The following NSD2 variants were observed in gnomAD, a reference collection of about 807,000 sequenced individuals.
NSD2 encodes nuclear receptor binding SET domain protein 2.
Under a neutral mutation model 139.0 loss-of-function variants are expected in NSD2, and 12 were observed. The ratio of observed to expected loss-of-function variants is 0.09; its 90% confidence interval spans 0.06 to 0.14. The LOEUF is 0.14. Ranked by LOEUF, NSD2 falls within the 10% of genes least tolerant of loss-of-function variation. The pLI is 1.00. For missense variants in NSD2, 1,155 were observed against 1,745.0 expected, an observed-to-expected ratio of 0.66 and a Z score of 6.02; for synonymous variants, 669 against 648.7, an observed-to-expected ratio of 1.03 and a Z score of -0.48.
chr4:1,925,772 A>ATTTT (rs564472093), intron 5 of NSD2, among the ~76,000 whole-genome samples: 1 of 148,856 alleles, frequency 6.7e-6, no homozygotes, highest in Non-Finnish European at 1.5e-5. Flanking sequence ...CTATATATAT[A>ATTTT]TTTTTTTTTG....
chr4:1,925,773 T>TATA (rs772413927), intron 5 of NSD2, among the ~76,000 whole-genome samples: 2,566 of 140,614 alleles, frequency 0.018, 63 homozygotes, highest in African/African-American at 0.069. Context: ...TATATATATA[T>TATA]TTTTTTTTGT....
At chr4:1,969,230 A>AG (rs1394595403) in intron 18 of NSD2, among the ~76,000 whole-genome samples, 4 of 152,218 alleles carry the variant, frequency 2.6e-5, no homozygotes, top group African/African-American at 9.6e-5. Flanking sequence ...TCCAAAAGGA[A>AG]GGCAACATGC....
intron 1 of NSD2, among the ~76,000 whole-genome samples, chr4:1,896,747 TTTCTTTCTTTCC>T (rs1345209101): frequency 6.7e-6 from 1 of 148,300 alleles, no homozygotes; most frequent in African/African-American, 2.5e-5. Context: ...TCTCTTTCTC[TTTCTTTCTTTCC>T]TTCTTTCTTC....
At chr4:1,881,488 C>T (rs958368716) in intron 1 of NSD2, among the ~76,000 whole-genome samples, 3 of 152,208 alleles carry the variant, frequency 2.0e-5, no homozygotes, top group African/African-American at 7.2e-5. Context: ...TGGTCTCGAT[C>T]TCCTGACCTC....
At chr4:1,975,138 A>G (rs1726934500) in intron 19 of NSD2, 134 bp downstream of exon 19, 1 of 1,476,610 alleles carries the variant, frequency 6.8e-7, no homozygotes, top group Non-Finnish European at 9.2e-7. Context: ...TTTGGTTTGA[A>G]TATCTCTTTT....
intron 9 of NSD2, among the ~76,000 whole-genome samples, chr4:1,949,002 G>T (rs992077061): frequency 3.3e-5 from 5 of 152,210 alleles, no homozygotes; most frequent in Admixed American, 3.3e-4. Flanking sequence ...CCATCAGATG[G>T]GTCAGCTTGG....
Position 1,955,174 on chromosome 4 carries a change from G to T in NSD2, c.2352G>T (p.Arg784=), listed in dbSNP as rs531537433. The change falls in exon 13 of 22, where the codon CGG becomes CGT. Residue 784 remains arginine (R), a synonymous_variant. Coordinates refer to ENST00000508803, the MANE Select transcript of NSD2 (RefSeq NM_001042424.3). The surrounding 1 kb of genome is among the most constrained non-coding windows in gnomAD (Gnocchi z 4.7). ...NPRPSKGKMM[R]CVRCPVAYHS... ...CTTTGCCTTCAGGTAAAATGATGCG[G>T]TGTGTCCGCTGCCCCGTTGCCTATC... 223 of 1,610,466 alleles carry T rather than the reference G, an allele frequency of 1.4e-4. 2 individuals are homozygous for T. The South Asian group carries it at 2.3e-3, about 17-fold the overall frequency.
At chr4:1,910,295 G>A (rs979296589) in intron 3 of NSD2, among the ~76,000 whole-genome samples, 8 of 151,568 alleles carry the variant, frequency 5.3e-5, no homozygotes, top group Middle Eastern at 3.4e-3. Flanking sequence ...TCACAATCTC[G>A]GCTCACTGCA....
At chr4:1,907,530 A>C (rs1426390807) in intron 3 of NSD2, among the ~76,000 whole-genome samples, 1 of 151,778 alleles carries the variant, frequency 6.6e-6, no homozygotes, top group Non-Finnish European at 1.5e-5. Context: ...AAAAACTTTC[A>C]AGTCAAAGTA....
chr4:1,940,722 G>T, intron 9 of NSD2: 1 of 1,060,890 alleles, frequency 9.4e-7, no homozygotes, highest in Non-Finnish European at 1.1e-6. Context: ...CCTTACTCTT[G>T]CTGAGTCAGA....
intron 9 of NSD2, chr4:1,944,327 A>G: frequency 9.4e-7 from 1 of 1,066,250 alleles, no homozygotes; most frequent in Middle Eastern, 4.2e-4. Context: ...TGGCTTGCCA[A>G]GAGTACAGAA....
intron 7 of NSD2, among the ~76,000 whole-genome samples, chr4:1,937,128 T>C (rs1003606639): frequency 2.0e-5 from 3 of 152,122 alleles, no homozygotes; most frequent in Non-Finnish European, 2.9e-5. Context: ...CTTCACTCAC[T>C]GCAACCTCCG....
intron 18 of NSD2, 33 bp downstream of exon 18, chr4:1,961,184 T>C (rs1388281724): frequency 2.6e-6 from 4 of 1,556,384 alleles, no homozygotes; most frequent in African/African-American, 2.7e-5. Context: ...GCTTCTGCAG[T>C]GTGCTGGACC....
At chr4:1,892,152 T>TATTTTA (rs1396396582) in intron 1 of NSD2, 1 of 152,204 alleles carries the variant, frequency 6.6e-6, no homozygotes, top group Admixed American at 6.5e-5. Context: ...TCTTTATTTT[T>TATTTTA]ATTTTAATTT....
At chr4:1,927,765 G>C (rs533321018) in intron 5 of NSD2, among the ~76,000 whole-genome samples, 1 of 147,840 alleles carries the variant, frequency 6.8e-6, no homozygotes, top group Admixed American at 6.8e-5. Context: ...GTAGGGAGCA[G>C]GCAGGATGAA....
At chr4:1,919,934 C>CA (rs951983439) in intron 5 of NSD2, among the ~76,000 whole-genome samples, 53 of 147,556 alleles carry the variant, frequency 3.6e-4, no homozygotes, top group East Asian at 6.0e-4. Context: ...GACGCCGTCT[C>CA]AAAAAAAAAG....
intron 2 of NSD2, among the ~76,000 whole-genome samples, chr4:1,902,552 A>G (rs536338199): frequency 3.9e-4 from 60 of 152,152 alleles, no homozygotes; most frequent in South Asian, 2.1e-3. Context: ...TGCCCACAGC[A>G]GTATTGAACC....
chr4:1,876,109 G>C (rs1714236919), intron 1 of NSD2, among the ~76,000 whole-genome samples: 1 of 151,630 alleles, frequency 6.6e-6, no homozygotes, highest in South Asian at 2.1e-4. Context: ...AGCTACTCGG[G>C]AGGCTGAGGC....
intron 6 of NSD2, among the ~76,000 whole-genome samples, chr4:1,931,923 A>G (rs1210941197): frequency 6.6e-6 from 1 of 152,318 alleles, no homozygotes; most frequent in East Asian, 1.9e-4. Context: ...CTGAAGCCAG[A>G]TTCAGCTTAC....
Sources: gnomAD v4.1 joint callset for allele counts (sites outside exome capture counted in the v4.1 genomes callset) on GRCh38, gnomAD v4.1.1 for gene constraint, Gnocchi (gnomAD v3.1) non-coding constraint, MANE v1.5 for transcripts, NCBI Gene and HGNC (gene_info 2026-07-23, HGNC 2026-07-21) for gene names.